Variants in PCDHGA6 observed in about 807,000 individuals in gnomAD.
PCDHGA6 encodes the protein protocadherin gamma subfamily A, 6.
A neutral mutation model predicts 60.6 loss-of-function variants in PCDHGA6; 41 were observed. The observed-to-expected ratio is 0.68, with a 90% CI of 0.53 to 0.88. The LOEUF (loss-of-function observed/expected upper bound fraction) is 0.88, where lower values mean the gene tolerates loss of function less well. Among genes scored for constraint, PCDHGA6 ranks in the 40% least tolerant of loss-of-function variants. The pLI is 0.00. For synonymous variants in PCDHGA6, 594 were observed against 524.4 expected, an observed-to-expected ratio of 1.13 and a Z score of -1.81; for missense variants, 1,312 against 1,203.0, an observed-to-expected ratio of 1.09 and a Z score of -1.34.
chr5:141,388,572 G>A, intron 1 of PCDHGA6: 6 of 1,613,808 alleles, frequency 3.7e-6, no homozygotes, highest in South Asian at 2.2e-5. Flanking sequence ...ACAGATACAC[G>A]TTCTAGTGAC....
intron 1 of PCDHGA6, chr5:141,417,615 A>G (rs908930043): frequency 3.2e-6 from 2 of 629,140 alleles, no homozygotes; most frequent in Non-Finnish European, 5.1e-6. Flanking sequence ...CGGCCAGTGC[A>G]GAGCAAGCGC....
rs781026604 is a variant in PCDHGA6, at chr5:141,490,471, C to G, written c.2425-4336C>G. ...CCACTACTCGCTGCTAACCAGCCAG[C>G]CTTTGGACCGGGAGGCCACATCCCA... On this transcript the variant is annotated intron_variant, in intron 1 of 3. Coordinates refer to ENST00000517434, the MANE Select transcript of PCDHGA6 (RefSeq NM_018919.3). The surrounding 1 kb of genome is among the most constrained non-coding windows in gnomAD (Gnocchi z 5.4). 12 of 1,614,096 alleles carry G rather than the reference C, an allele frequency of 7.4e-6. No homozygotes were observed. The highest frequency in any genetic ancestry group is 1.1e-5 in the South Asian group (1 of 91,092).
chr5:141,449,916 T>C (rs1453191109), intron 1 of PCDHGA6, among the ~76,000 whole-genome samples: 1 of 151,912 alleles, frequency 6.6e-6, no homozygotes, highest in East Asian at 1.9e-4. Context: ...CATATTTAAA[T>C]TCTACCATAC....
chr5:141,384,547 C>T (rs1780195966), intron 1 of PCDHGA6: 15 of 1,614,252 alleles, frequency 9.3e-6, no homozygotes, highest in Non-Finnish European at 1.3e-5. Flanking sequence ...GTCACTGAGC[C>T]TGTTCGTGCT....
chr5:141,425,962 C>T (rs2096906059), intron 1 of PCDHGA6, among the ~76,000 whole-genome samples: 2 of 152,236 alleles, frequency 1.3e-5, no homozygotes, highest in African/African-American at 2.4e-5. Flanking sequence ...TAGTCCAACA[C>T]ATCAGTCTAA....
rs2099710385 is a variant in PCDHGA6 at position 141,491,296 on chromosome 5, G to A, written c.2425-3511G>A. 6.2e-7 allele frequency: 1 copy of A among 1,614,034 alleles called. No individual in the cohort carries two copies. Among genetic ancestry groups the A allele is most frequent in the African/African-American group, 1.3e-5 (1 of 74,924 alleles). Reference sequence around the variant, plus strand: ...CAGTGACTTCCTCATACACCCTCCTGAGCGTTCAGACCTTACCCTTTACCT... The same window carrying A: ...CAGTGACTTCCTCATACACCCTCCTAAGCGTTCAGACCTTACCCTTTACCT... On this transcript the variant is annotated intron_variant, in intron 1 of 3. Transcript: ENST00000517434. The surrounding 1 kb of genome is among the most constrained non-coding windows in gnomAD (Gnocchi z 6.9).
rs1228153118 is a variant in PCDHGA6 at position 141,433,077 on chromosome 5, C to G, written c.2424+56570C>G. 5.0e-6 allele frequency: 8 copies of G among 1,614,080 alleles called. No homozygotes were observed. The African/African-American group carries it at 6.7e-5, about 13-fold the overall frequency. On this transcript the variant is annotated intron_variant, in intron 1 of 3. Transcript: ENST00000517434. Reference sequence around the variant, plus strand: ...AAGAGTCACCTGATCTTCCCCCAGCCCAACTATGCAGACATGCTCGTCAGC... The same window carrying G: ...AAGAGTCACCTGATCTTCCCCCAGCGCAACTATGCAGACATGCTCGTCAGC...
intron 2 of PCDHGA6, among the ~76,000 whole-genome samples, chr5:141,495,452 C>G (rs543717781): frequency 1.3e-5 from 2 of 152,356 alleles, no homozygotes; most frequent in South Asian, 2.1e-4. Context: ...TTGTCCTGCT[C>G]TCTGTCTGTG....
At position 141,375,222 on chromosome 5, in the gene PCDHGA6, G is replaced by T; in HGVS notation, c.1139G>T (p.Gly380Val). Residue 380 changes from glycine to valine, a missense_variant, in exon 1 of 4, where the codon GGC becomes GTC. By Grantham distance (109) the Gly-to-Val change is moderately radical. Coordinates refer to ENST00000517434, the MANE Select transcript of PCDHGA6 (RefSeq NM_018919.3). ...QVFDRDSGLNGLVTCSIPRSL... is the reference protein window; with the variant it reads ...QVFDRDSGLNVLVTCSIPRSL... Reference sequence around the variant, plus strand: ...TTCGATCGAGACTCTGGCCTGAATGGCCTGGTAACCTGTTCCATCCCGAGA... The same window carrying T: ...TTCGATCGAGACTCTGGCCTGAATGTCCTGGTAACCTGTTCCATCCCGAGA... 1 of 1,613,926 alleles carries T rather than the reference G, an allele frequency of 6.2e-7. No individual in the cohort carries two copies. The highest frequency in any genetic ancestry group is 8.5e-7 in the Non-Finnish European group (1 of 1,179,878).
chr5:141,415,130 A>G (rs2095833213), intron 1 of PCDHGA6: 3 of 1,613,636 alleles, frequency 1.9e-6, no homozygotes, highest in South Asian at 1.1e-5. Flanking sequence ...GCCGTCCAGG[A>G]CCACGGCCAG....
At chr5:141,393,989 T>G in intron 1 of PCDHGA6, 1 of 1,613,634 alleles carries the variant, frequency 6.2e-7, no homozygotes, top group Non-Finnish European at 8.5e-7. Flanking sequence ...ATTTACCTTT[T>G]AAATTAGAAA....
At chr5:141,378,535 T>G (rs1235721694) in intron 1 of PCDHGA6, 6 of 152,092 alleles carry the variant, frequency 3.9e-5, no homozygotes, top group Admixed American at 3.9e-4. Flanking sequence ...AAAATAATAA[T>G]GATAATTAAT....
In PCDHGA6 at chr5:141,485,896, C is replaced by T; in HGVS notation, c.2425-8911C>T. On this transcript the variant is annotated intron_variant, in intron 1 of 3. Coordinates refer to ENST00000517434, the MANE Select transcript of PCDHGA6 (RefSeq NM_018919.3). The surrounding 1 kb of genome is among the most constrained non-coding windows in gnomAD (Gnocchi z 5.7). ...TGGACGTAAACGACAACGCCCCAGC[C>T]TTCCAGCAATCCAGCTACAGGATTA... 6.2e-7 allele frequency: 1 copy of T among 1,614,190 alleles called. No individual in the cohort carries two copies. The highest frequency in any genetic ancestry group is 8.5e-7 in the Non-Finnish European group (1 of 1,180,042).
chr5:141,396,538 T>C (rs1352031358), intron 1 of PCDHGA6: 1 of 151,514 alleles, frequency 6.6e-6, no homozygotes, highest in Non-Finnish European at 1.5e-5. Flanking sequence ...AAGAATCACT[T>C]GAACCCGGGA....
At chr5:141,393,889 A>T (rs771844364) in intron 1 of PCDHGA6, 3 of 1,613,998 alleles carry the variant, frequency 1.9e-6, no homozygotes, top group Admixed American at 3.3e-5. Flanking sequence ...GTGTTAGAAA[A>T]TTCTCTTCCC....
Position 141,431,570 on chromosome 5 carries a change from G to T in PCDHGA6, c.2424+55063G>T. On this transcript the variant is annotated intron_variant, in intron 1 of 3. Coordinates refer to ENST00000517434, the MANE Select transcript of PCDHGA6 (RefSeq NM_018919.3). This position sits in a 1 kb window ranked among gnomAD's most constrained non-coding sequence, Gnocchi z 4.8. The stretch of plus-strand genomic sequence containing the variant: ...TGTAGTCAACGCTACCGACCCTGAC[G>T]AAGGAGTCAATGCGGAAGTGAGGTA... The T allele has an allele frequency of 6.2e-7, 1 of 1,614,172 alleles. No homozygotes were observed. Among genetic ancestry groups the T allele is most frequent in the Non-Finnish European group, 8.5e-7 (1 of 1,180,024 alleles).
chr5:141,441,819 G>A (rs1040935030), intron 1 of PCDHGA6: 6 of 359,092 alleles, frequency 1.7e-5, no homozygotes, highest in Non-Finnish European at 3.3e-5. Context: ...CCCCAGCTCT[G>A]GAGCGCAATG....
chr5:141,394,547 G>A, intron 1 of PCDHGA6: 8 of 1,614,098 alleles, frequency 5.0e-6, no homozygotes, highest in Non-Finnish European at 6.8e-6. Context: ...TGGAGCTGGC[G>A]CCCCGCTCCG....
chr5:141,415,935 C>A, intron 1 of PCDHGA6: 1 of 601,886 alleles, frequency 1.7e-6, no homozygotes, highest in Non-Finnish European at 2.4e-6. Context: ...TTTATATTTC[C>A]TCCTGGGTGG....
Sources: allele counts gnomAD v4.1 joint callset (sites outside exome capture counted in the v4.1 genomes callset), GRCh38; gene constraint gnomAD v4.1.1; non-coding constraint Gnocchi (gnomAD v3.1); transcripts MANE v1.5; gene names NCBI Gene and HGNC (gene_info 2026-07-23, HGNC 2026-07-21).